Variants in AGBL4 observed in about 807,000 individuals in gnomAD.
AGBL4 encodes the protein AGBL carboxypeptidase 4.
A neutral mutation model predicts 66.4 loss-of-function variants in AGBL4; 58 were observed. The observed-to-expected ratio is 0.87, with a 90% CI of 0.71 to 1.09. The LOEUF is 1.09. AGBL4 is among the 50% of genes least tolerant of loss of function. The probability of loss-of-function intolerance (pLI) is 0.00; values close to 1 mark genes in which losing one functional copy is unlikely to be tolerated. For synonymous variants in AGBL4, 234 were observed against 222.9 expected, an observed-to-expected ratio of 1.05 and a Z score of -0.44; for missense variants, 579 against 631.0, an observed-to-expected ratio of 0.92 and a Z score of 0.88.
intron 11 of AGBL4, among the ~76,000 whole-genome samples, chr1:48,543,247 A>C (rs1644103216): frequency 6.6e-6 from 1 of 152,192 alleles, no homozygotes; most frequent in Non-Finnish European, 1.5e-5. Flanking sequence ...TAATATGCAG[A>C]GGAGGAGGAA....
At chr1:49,599,562 C>A (rs967927004) in intron 3 of AGBL4, among the ~76,000 whole-genome samples, 2 of 152,064 alleles carry the variant, frequency 1.3e-5, no homozygotes, top group Non-Finnish European at 2.9e-5. Flanking sequence ...TTTCAAAAAA[C>A]CAGCTTTTAA....
At chr1:49,494,899 A>G (rs1647398547) in intron 3 of AGBL4, among the ~76,000 whole-genome samples, 1 of 151,938 alleles carries the variant, frequency 6.6e-6, no homozygotes, top group African/African-American at 2.4e-5. Flanking sequence ...CAACAGTGTA[A>G]AAGTGTTCCT....
At chr1:49,710,453 G>C (rs569764283) in intron 2 of AGBL4, among the ~76,000 whole-genome samples, 17 of 152,140 alleles carry the variant, frequency 1.1e-4, no homozygotes, top group Non-Finnish European at 2.1e-4. Flanking sequence ...TGTGGGGCAA[G>C]GGGAGGGATA....
At chr1:49,515,364 A>C (rs940519982) in intron 3 of AGBL4, among the ~76,000 whole-genome samples, 1 of 151,956 alleles carries the variant, frequency 6.6e-6, no homozygotes, top group African/African-American at 2.4e-5. Context: ...GTTAGAATGG[A>C]CATCATTAAA....
chr1:48,708,349 C>G (rs913323706), intron 6 of AGBL4, among the ~76,000 whole-genome samples: 1 of 152,022 alleles, frequency 6.6e-6, no homozygotes, highest in Non-Finnish European at 1.5e-5. Flanking sequence ...CTGCAGGGAC[C>G]CTGAAGAGGG....
At chr1:48,945,719 A>T (rs1424248185) in intron 5 of AGBL4, among the ~76,000 whole-genome samples, 2 of 152,174 alleles carry the variant, frequency 1.3e-5, no homozygotes, top group Non-Finnish European at 2.9e-5. Context: ...GCTATGTATC[A>T]CACAGACCCT....
intron 1 of AGBL4, among the ~76,000 whole-genome samples, chr1:49,890,111 C>G (rs1379827486): frequency 1.3e-5 from 2 of 152,124 alleles, no homozygotes; most frequent in Non-Finnish European, 2.9e-5. Flanking sequence ...TTGGGCTAAG[C>G]ATTTTATACA....
At chr1:49,104,969 G>A (rs1171859855) in intron 4 of AGBL4, among the ~76,000 whole-genome samples, 1 of 152,174 alleles carries the variant, frequency 6.6e-6, no homozygotes, top group Non-Finnish European at 1.5e-5. Flanking sequence ...TGGGCTAACA[G>A]CAATCTGAAT....
chr1:49,284,266 C>G (rs1017946286), intron 3 of AGBL4, among the ~76,000 whole-genome samples: 11 of 152,092 alleles, frequency 7.2e-5, no homozygotes, highest in Middle Eastern at 3.4e-3. Flanking sequence ...CATATCCAGC[C>G]AAACTAAGCT....
At chr1:49,507,740 C>T (rs1353374382) in intron 3 of AGBL4, among the ~76,000 whole-genome samples, 1 of 151,758 alleles carries the variant, frequency 6.6e-6, no homozygotes, top group Admixed American at 6.6e-5. Flanking sequence ...ATAACTCTCA[C>T]AGCTAGTAAT....
intron 3 of AGBL4, among the ~76,000 whole-genome samples, chr1:49,278,558 A>G (rs551971487): frequency 1.7e-4 from 26 of 152,282 alleles, no homozygotes; most frequent in African/African-American, 6.0e-4. Context: ...TGCAGGAGGT[A>G]AACCAACCAT....
At chr1:49,529,273 G>A (rs1469628772) in intron 3 of AGBL4, among the ~76,000 whole-genome samples, 1 of 152,090 alleles carries the variant, frequency 6.6e-6, no homozygotes, top group Non-Finnish European at 1.5e-5. Context: ...TGGATATTTG[G>A]ATTTTGGGAT....
chr1:49,939,366 T>G (rs184427675), intron 1 of AGBL4, among the ~76,000 whole-genome samples: 2 of 152,260 alleles, frequency 1.3e-5, no homozygotes, highest in East Asian at 3.9e-4. Flanking sequence ...AAAGTTCATA[T>G]GGAACCAAAA....
chr1:49,877,782 C>G (rs1647065475), intron 1 of AGBL4, among the ~76,000 whole-genome samples: 1 of 150,994 alleles, frequency 6.6e-6, no homozygotes, highest in South Asian at 2.1e-4. Flanking sequence ...GTGAATCCAT[C>G]TGGTCCTGGA....
chr1:49,197,083 C>T (rs942048286), intron 4 of AGBL4, among the ~76,000 whole-genome samples: 1 of 152,174 alleles, frequency 6.6e-6, no homozygotes, highest in Admixed American at 6.5e-5. Flanking sequence ...CCTGCTTTAG[C>T]CTCCCAAAGT....
At chr1:49,888,210 A>G (rs1013431053) in intron 1 of AGBL4, among the ~76,000 whole-genome samples, 8 of 152,194 alleles carry the variant, frequency 5.3e-5, no homozygotes, top group Non-Finnish European at 1.0e-4. Context: ...GCCTACTGGA[A>G]AGAAATGTGA....
chr1:49,714,702 A>G (rs1368855993), intron 2 of AGBL4, among the ~76,000 whole-genome samples: 1 of 151,286 alleles, frequency 6.6e-6, no homozygotes, highest in Non-Finnish European at 1.5e-5. Flanking sequence ...TGATTCCATT[A>G]TCTTTGCTAT....
intron 5 of AGBL4, among the ~76,000 whole-genome samples, chr1:48,934,419 A>G (rs548881801): frequency 6.6e-6 from 1 of 152,282 alleles, no homozygotes; most frequent in South Asian, 2.1e-4. Flanking sequence ...TTCACTCTCT[A>G]AAGTGAAATT....
At chr1:49,598,051 A>G (rs1246473709) in intron 3 of AGBL4, among the ~76,000 whole-genome samples, 2 of 152,226 alleles carry the variant, frequency 1.3e-5, no homozygotes, top group Admixed American at 1.3e-4. Context: ...TTCCAATACT[A>G]TATTGAATAA....
Sources: allele counts gnomAD v4.1 joint callset (sites outside exome capture counted in the v4.1 genomes callset), GRCh38; gene constraint gnomAD v4.1.1; transcripts MANE v1.5; gene names NCBI Gene and HGNC (gene_info 2026-07-23, HGNC 2026-07-21).